ALG13: variants seen among roughly 807,000 people sequenced by gnomAD.
ALG13 encodes the protein UDP-N-acetylglucosamine transferase subunit ALG13.
In ALG13, 11 loss-of-function variants were observed where a neutral mutation model predicts 87.8. That is an observed-to-expected ratio of 0.13 (90% CI 0.08 to 0.21). The LOEUF (loss-of-function observed/expected upper bound fraction) is 0.21. Among genes scored for constraint, ALG13 ranks in the 10% least tolerant of loss-of-function variants. The probability of loss-of-function intolerance (pLI) is 1.00; values close to 1 mark genes in which losing one functional copy is unlikely to be tolerated. For synonymous variants in ALG13, 320 were observed against 306.3 expected, an observed-to-expected ratio of 1.04 and a Z score of -0.47; for missense variants, 756 against 866.1, an observed-to-expected ratio of 0.87 and a Z score of 1.60.
intron 24 of ALG13, among the ~76,000 whole-genome samples, chrX:111,751,724 T>G (rs570455932): frequency 9.1e-6 from 1 of 109,907 alleles, no homozygotes; most frequent in Non-Finnish European, 1.9e-5. Flanking sequence ...AAGCTGATTT[T>G]AAAAAAAAAT....
At chrX:111,747,306 G>A (rs1279929142) in intron 24 of ALG13, among the ~76,000 whole-genome samples, 1 of 111,958 alleles carries the variant, frequency 8.9e-6, no homozygotes, top group East Asian at 2.8e-4. Context: ...ATGGCATATA[G>A]GTGCAGTCAT....
intron 24 of ALG13, among the ~76,000 whole-genome samples, chrX:111,746,593 C>T (rs1944258720): frequency 9.0e-6 from 1 of 111,705 alleles, no homozygotes; most frequent in African/African-American, 3.3e-5. Context: ...TGGACTGTTT[C>T]CAGTTTGGGG....
intron 11 of ALG13, among the ~76,000 whole-genome samples, chrX:111,720,430 A>G (rs1278628926): frequency 8.9e-6 from 1 of 112,334 alleles, no homozygotes; most frequent in African/African-American, 3.2e-5. Flanking sequence ...TTTTTAAGTT[A>G]AATATTACAA....
chrX:111,713,160 C>T, intron 7 of ALG13, 65 bp from the exon 8 acceptor site: 1 of 684,841 alleles, frequency 1.5e-6, no homozygotes, highest in Non-Finnish European at 2.3e-6. Context: ...AATAGTTGTT[C>T]CTATAACTAT....
chrX:111,707,888 T>A (rs1939060896), intron 3 of ALG13, 139 bp from the exon 4 acceptor site: 1 of 685,805 alleles, frequency 1.5e-6, no homozygotes, highest in Admixed American at 4.0e-5. Context: ...TCAACCTTGG[T>A]CTGATTGGGT....
chrX:111,739,888 A>C (rs992022166), intron 23 of ALG13, among the ~76,000 whole-genome samples: 3 of 112,258 alleles, frequency 2.7e-5, no homozygotes, highest in Non-Finnish European at 5.6e-5. Context: ...AGAGATATAG[A>C]ATATTTCTAT....
At chrX:111,724,723 T>G (rs1290071554) in intron 14 of ALG13, among the ~76,000 whole-genome samples, 3 of 112,273 alleles carry the variant, frequency 2.7e-5, no homozygotes, top group South Asian at 3.7e-4. Context: ...ACCACAGTCT[T>G]TCTTCTGAAA....
intron 20 of ALG13, 45 bp from the exon 21 acceptor site, chrX:111,730,480 A>G: frequency 8.4e-7 from 1 of 1,194,204 alleles, no homozygotes; most frequent in South Asian, 1.8e-5. Context: ...TAGAATTTCA[A>G]GCTATAAAAT....
intron 18 of ALG13, 118 bp downstream of exon 18, chrX:111,727,888 T>C: frequency 3.6e-6 from 3 of 836,603 alleles, no homozygotes; most frequent in Non-Finnish European, 4.9e-6. Flanking sequence ...AAGCCTTTTC[T>C]GGAAAATGAA....
chrX:111,686,551 T>C (rs1205954740), intron 3 of ALG13, among the ~76,000 whole-genome samples: 4 of 111,853 alleles, frequency 3.6e-5, no homozygotes, highest in Admixed American at 1.9e-4. Context: ...GGTGTCCTTA[T>C]CACTATAATG....
At chrX:111,681,821 G>C (rs1240748680) in intron 1 of ALG13, 1 of 859,637 alleles carries the variant, frequency 1.2e-6, no homozygotes, top group African/African-American at 2.1e-5. Flanking sequence ...TCTCGCAGTT[G>C]ATCAAGTGAG....
In ALG13 at chrX:111,728,268, T is replaced by C. The variant is rs1055052343; in HGVS notation, c.2331T>C (p.Thr777=). 2 of 1,211,561 alleles carry C rather than the reference T, an allele frequency of 1.7e-6. No individual in the cohort carries two copies. The highest frequency in any genetic ancestry group is 4.3e-5 in the Admixed American group (2 of 46,039). Residue 777 remains threonine (T), a synonymous_variant, in exon 19 of 27, where the codon ACT becomes ACC. Coordinates refer to ENST00000394780, the MANE Select transcript of ALG13 (RefSeq NM_001099922.3). ...GGGGACATAGCTCAGGCAAACAGAC[T>C]TTGAATTTAGAGGAGGGCAATGGCC... is the stretch of plus-strand genomic sequence containing the variant. ...GRRGHSSGKQ[T]LNLEEGNGQS...
chrX:111,681,751 T>C (rs1013134578), intron 1 of ALG13: 1 of 822,827 alleles, frequency 1.2e-6, no homozygotes, highest in Non-Finnish European at 1.5e-6. Context: ...CCCTCAGCAC[T>C]TGGCCGGAGC....
At chrX:111,705,358 T>C (rs1938547021) in intron 3 of ALG13, among the ~76,000 whole-genome samples, 1 of 112,137 alleles carries the variant, frequency 8.9e-6, no homozygotes, top group African/African-American at 3.2e-5. Flanking sequence ...CAGAGTTCTT[T>C]ATATATTTTG....
intron 3 of ALG13, among the ~76,000 whole-genome samples, chrX:111,692,598 T>G (rs1397215490): frequency 1.8e-5 from 2 of 111,443 alleles, no homozygotes; most frequent in Non-Finnish European, 3.8e-5. Flanking sequence ...GTTTGTAGGA[T>G]CAAGCACATA....
chrX:111,735,851 T>A (rs1374531436), intron 22 of ALG13, among the ~76,000 whole-genome samples: 1 of 110,815 alleles, frequency 9.0e-6, no homozygotes, highest in Non-Finnish European at 1.9e-5. Flanking sequence ...TCAAGAAGAA[T>A]CTGTTACCAT....
At chrX:111,709,094 A>C in intron 5 of ALG13, 46 bp downstream of exon 5, 2 of 826,784 alleles carry the variant, frequency 2.4e-6, no homozygotes, top group South Asian at 2.6e-5. Flanking sequence ...AGTGTGTAGC[A>C]GGTGGAAAAA....
At position 111,720,008 on chromosome X, in the gene ALG13, C is replaced by T. The variant is rs140566853; in HGVS notation, c.1251-87C>T. On this transcript the variant is annotated intron_variant, in intron 10 of 26. Coordinates refer to ENST00000394780, the MANE Select transcript of ALG13 (RefSeq NM_001099922.3). Reference sequence around the variant, plus strand: ...TTATTTTTAGAACTGAGTTAATTTACCACTAGGTGGTGGTGTAGTCATTAG... The same window carrying T: ...TTATTTTTAGAACTGAGTTAATTTATCACTAGGTGGTGGTGTAGTCATTAG... 647 of 567,722 alleles carry T rather than the reference C, an allele frequency of 1.1e-3. 2 individuals carry two copies. In the East Asian group the frequency reaches 0.017, roughly 15 times the overall value. The allele number at this position is 567,722 out of a possible 1,213,427, so 46.8% of individuals were successfully genotyped here. A position where few individuals can be genotyped will look rare whatever the true frequency, so the allele number is the denominator to read the frequency against.
chrX:111,683,057 G>A (rs1933906673), intron 2 of ALG13, among the ~76,000 whole-genome samples: 1 of 108,956 alleles, frequency 9.2e-6, no homozygotes, highest in Admixed American at 9.9e-5. Flanking sequence ...TTTAGAAATA[G>A]ACATTACCAA....
Sources: allele counts gnomAD v4.1 joint callset (sites outside exome capture counted in the v4.1 genomes callset), GRCh38; gene constraint gnomAD v4.1.1; transcripts MANE v1.5; gene names NCBI Gene and HGNC (gene_info 2026-07-23, HGNC 2026-07-21).